The following BMERB1 variants were observed in gnomAD, a reference collection of about 807,000 sequenced individuals.
BMERB1 encodes bMERB domain containing 1, also known as bMERB domain-containing protein 1.
Under a neutral mutation model 23.6 loss-of-function variants are expected in BMERB1, and 12 were observed. The ratio of observed to expected loss-of-function variants is 0.51; its 90% CI spans 0.33 to 0.82. The LOEUF (loss-of-function observed/expected upper bound fraction) is 0.82. BMERB1 is among the 40% of genes least tolerant of loss of function. The probability of loss-of-function intolerance (pLI) is 0.03; values close to 1 mark genes in which losing one functional copy is unlikely to be tolerated. For synonymous variants in BMERB1, 122 were observed against 96.6 expected, an observed-to-expected ratio of 1.26 and a Z score of -1.54; for missense variants, 247 against 255.4, an observed-to-expected ratio of 0.97 and a Z score of 0.22.
intron 1 of BMERB1, among the ~76,000 whole-genome samples, chr16:15,491,549 T>G (rs1004036519): frequency 6.6e-6 from 1 of 152,178 alleles, no homozygotes; most frequent in African/African-American, 2.4e-5. Context: ...ATCCAAACTT[T>G]TCAGTGTGGC....
intron 2 of BMERB1, among the ~76,000 whole-genome samples, chr16:15,555,392 A>G (rs2150967661): frequency 6.6e-6 from 1 of 152,308 alleles, no homozygotes; most frequent in East Asian, 1.9e-4. Flanking sequence ...TATATCATAC[A>G]TACAGAAAAG....
At chr16:15,567,186 A>G (rs141663845) in intron 2 of BMERB1, among the ~76,000 whole-genome samples, 2,005 of 150,752 alleles carry the variant, frequency 0.013, 46 homozygotes, top group African/African-American at 0.046. Flanking sequence ...GCGACACTCT[A>G]TCTCCAAAAA....
intron 2 of BMERB1, among the ~76,000 whole-genome samples, chr16:15,549,416 C>T (rs181762979): frequency 1.5e-3 from 225 of 151,678 alleles, no homozygotes; most frequent in Non-Finnish European, 2.6e-3. Flanking sequence ...TGCGGTGGCT[C>T]ACGCCTGTAA....
chr16:15,486,415 C>G (rs1019491692), intron 1 of BMERB1, among the ~76,000 whole-genome samples: 2 of 152,136 alleles, frequency 1.3e-5, no homozygotes, highest in Non-Finnish European at 2.9e-5. Context: ...CCTCCCACCA[C>G]CTCTACCTCT....
At chr16:15,558,503 A>G (rs1440159796) in intron 2 of BMERB1, among the ~76,000 whole-genome samples, 4 of 152,142 alleles carry the variant, frequency 2.6e-5, no homozygotes, top group African/African-American at 9.7e-5. Context: ...TCTGACGTCA[A>G]AAGGTCACTT....
intron 1 of BMERB1, among the ~76,000 whole-genome samples, chr16:15,491,721 A>G (rs932767834): frequency 6.6e-5 from 10 of 152,064 alleles, no homozygotes; most frequent in Non-Finnish European, 1.2e-4. Context: ...TGGATCCTCT[A>G]TCTGAAGCAT....
chr16:15,532,493 G>T (rs2051977699), intron 2 of BMERB1, among the ~76,000 whole-genome samples: 1 of 150,408 alleles, frequency 6.6e-6, no homozygotes, highest in South Asian at 2.1e-4. Context: ...CTCCCAAAGT[G>T]CTGGGATTAC....
chr16:15,520,909 A>G (rs2051844998), intron 2 of BMERB1, among the ~76,000 whole-genome samples: 1 of 152,194 alleles, frequency 6.6e-6, no homozygotes, highest in Admixed American at 6.5e-5. Context: ...AAAAAATATC[A>G]AAGAACTGAA....
chr16:15,531,432 G>C lies in BMERB1; in HGVS notation c.230+16004G>C, dbSNP rs1175691885. Among the ~76,000 whole-genome samples the C allele has an allele frequency of 2.6e-5, 4 of 152,044 alleles. No individual in the cohort carries two copies. The East Asian group carries it at 7.7e-4, about 29-fold the overall frequency. On this transcript the variant is annotated intron_variant, in intron 2 of 5. Transcript: ENST00000300006. ...GCCGTGTAAGGTAACAGATTCATAG[G>C]TTCATTAGGACATGGATATCTTCAG...
intron 3 of BMERB1, among the ~76,000 whole-genome samples, chr16:15,570,175 C>A (rs1285793131): frequency 6.6e-6 from 1 of 152,108 alleles, no homozygotes; most frequent in East Asian, 1.9e-4. Context: ...GCTGTCAGTT[C>A]AATAACTATG....
intron 1 of BMERB1, among the ~76,000 whole-genome samples, chr16:15,493,607 C>A (rs2051443332): frequency 6.6e-6 from 1 of 152,080 alleles, no homozygotes; most frequent in African/African-American, 2.4e-5. Context: ...CTGCCATGAT[C>A]TGACTCTCCC....
At chr16:15,514,711 G>C (rs983655616) in intron 1 of BMERB1, among the ~76,000 whole-genome samples, 1 of 152,170 alleles carries the variant, frequency 6.6e-6, no homozygotes, top group Admixed American at 6.5e-5. Context: ...CTCAGAGGCA[G>C]AGGTTGCAGT....
chr16:15,463,708 C>G (rs1285927581), intron 1 of BMERB1, among the ~76,000 whole-genome samples: 1 of 152,048 alleles, frequency 6.6e-6, no homozygotes, highest in East Asian at 1.9e-4. Flanking sequence ...AGAACATATT[C>G]AAGGAACCCT....
intron 2 of BMERB1, among the ~76,000 whole-genome samples, chr16:15,524,438 G>T (rs1192738497): frequency 6.6e-6 from 1 of 152,104 alleles, no homozygotes; most frequent in Non-Finnish European, 1.5e-5. Context: ...CTGGGAGGTG[G>T]GGAGGAAGGT....
At chr16:15,434,780 C>A in intron 1 of BMERB1, 21 bp downstream of exon 1, 3 of 828,466 alleles carry the variant, frequency 3.6e-6, no homozygotes, top group Non-Finnish European at 4.5e-6. Flanking sequence ...GGGCGGGGGG[C>A]GGGGGGCCGG....
intron 1 of BMERB1, among the ~76,000 whole-genome samples, chr16:15,467,748 C>T (rs969115352): frequency 1.3e-5 from 2 of 152,148 alleles, no homozygotes; most frequent in African/African-American, 4.8e-5. Flanking sequence ...TGACACAGCC[C>T]TCAGGAGATC....
intron 1 of BMERB1, among the ~76,000 whole-genome samples, chr16:15,493,242 C>T (rs988491125): frequency 5.3e-5 from 8 of 151,928 alleles, no homozygotes; most frequent in Admixed American, 1.3e-4. Context: ...CTGCCCCCTA[C>T]TCGGGAGGCT....
chr16:15,529,686 T>G (rs2051948342), intron 2 of BMERB1, among the ~76,000 whole-genome samples: 1 of 152,044 alleles, frequency 6.6e-6, no homozygotes, highest in Non-Finnish European at 1.5e-5. Flanking sequence ...TTGAATGAAT[T>G]AATGAGGGCT....
chr16:15,497,696 T>C (rs542959740), intron 1 of BMERB1, among the ~76,000 whole-genome samples: 2 of 152,278 alleles, frequency 1.3e-5, no homozygotes, highest in African/African-American at 4.8e-5. Context: ...TCATCAGTTG[T>C]TAGTATTTGT....
Sources: allele counts gnomAD v4.1 joint callset (sites outside exome capture counted in the v4.1 genomes callset), GRCh38; gene constraint gnomAD v4.1.1; transcripts MANE v1.5; gene names NCBI Gene and HGNC (gene_info 2026-07-23, HGNC 2026-07-21).